Variants in COL24A1 observed in about 807,000 individuals in gnomAD.
The protein encoded by COL24A1 is collagen alpha-1(XXIV) chain.
Under a neutral mutation model 253.9 loss-of-function variants are expected in COL24A1, and 224 were observed. That is an observed-to-expected ratio of 0.88 (90% CI 0.79 to 0.99). The LOEUF (loss-of-function observed/expected upper bound fraction) is 0.99, where lower values mean the gene tolerates loss of function less well. COL24A1 is among the 50% of genes least tolerant of loss of function. The pLI, the probability that COL24A1 is intolerant of heterozygous loss-of-function variation, is 0.00. For synonymous variants in COL24A1, 685 were observed against 673.7 expected, an observed-to-expected ratio of 1.02 and a Z score of -0.26; for missense variants, 2,131 against 2,068.5, an observed-to-expected ratio of 1.03 and a Z score of -0.59.
At chr1:85,921,378 G>A (rs138771196) in intron 24 of COL24A1, among the ~76,000 whole-genome samples, 6,349 of 152,268 alleles carry the variant, frequency 0.042, 460 homozygotes, top group Admixed American at 0.19. Context: ...AGCCTGGCAG[G>A]GGGAGGGGCA....
In COL24A1 at chr1:85,971,379, A is replaced by C; in HGVS notation, c.2379T>G (p.Asn793Lys). Residue 793 changes from asparagine (N) to lysine (K), a missense_variant, in exon 21 of 60, where the codon AAT becomes AAG. Physicochemically the swap from Asn to Lys is moderately conservative, Grantham distance 94. Transcript: ENST00000370571. Reference protein sequence around the residue: ...GPEGPKGLLGNRGPPGPPGLK... With the variant: ...GPEGPKGLLGKRGPPGPPGLK... ...GACCAGGAGGTCCAGGAGGTCCTCT[A>C]TTTCCAAGGAGTCCCTATAAAAGCA... 1.2e-6 allele frequency: 2 copies of C among 1,612,104 alleles called. No homozygotes were observed. Among genetic ancestry groups the C allele is most frequent in the East Asian group, 4.5e-5 (2 of 44,830 alleles).
intron 3 of COL24A1, among the ~76,000 whole-genome samples, chr1:86,118,720 T>C (rs1286091400): frequency 2.6e-5 from 4 of 152,114 alleles, no homozygotes; most frequent in Non-Finnish European, 4.4e-5. Context: ...CTAATTTATA[T>C]TGTGATGTCA....
Position 85,940,403 on chromosome 1 carries a change from C to CAAAA in COL24A1, c.2562+20842_2562+20845dup, listed in dbSNP as rs1166634995. Among the ~76,000 whole-genome samples, 4 of 2,024 alleles carry CAAAA rather than the reference C, an allele frequency of 2.0e-3. 2 individuals carry two copies. Among genetic ancestry groups the CAAAA allele is most frequent in the Non-Finnish European group, 5.4e-3 (4 of 736 alleles). 1.3% of individuals were successfully genotyped at this position (2,024 alleles called of 152,430 possible). A position where few individuals can be genotyped will look rare whatever the true frequency, so the allele number is the denominator to read the frequency against. ...TGGGCGACAGAGCGAGACTCCGTCT[C>CAAAA]AAAAAAAAAAAAAAAAAAAAAAAAA... is the stretch of plus-strand genomic sequence containing the variant. On this transcript the variant is annotated intron_variant, in intron 24 of 59. Coordinates refer to ENST00000370571, the MANE Select transcript of COL24A1 (RefSeq NM_152890.7).
At chr1:86,010,818 T>TA (rs1253827720) in intron 19 of COL24A1, among the ~76,000 whole-genome samples, 1 of 152,062 alleles carries the variant, frequency 6.6e-6, no homozygotes, top group African/African-American at 2.4e-5. Flanking sequence ...TATTTTTAAA[T>TA]AAAAAAAGCA....
intron 5 of COL24A1, among the ~76,000 whole-genome samples, chr1:86,098,125 C>T (rs1475192878): frequency 2.6e-5 from 4 of 152,190 alleles, no homozygotes; most frequent in African/African-American, 9.7e-5. Context: ...TTGTGTAATA[C>T]ATATTTATAC....
At chr1:86,134,497 T>C (rs1238490173) in intron 2 of COL24A1, among the ~76,000 whole-genome samples, 11 of 143,842 alleles carry the variant, frequency 7.6e-5, no homozygotes, top group South Asian at 2.3e-4. Flanking sequence ...GTGCTATAAA[T>C]TTCCCTCTAC....
intron 5 of COL24A1, among the ~76,000 whole-genome samples, chr1:86,100,237 T>C (rs932851489): frequency 7.2e-5 from 11 of 152,154 alleles, no homozygotes; most frequent in Non-Finnish European, 1.3e-4. Context: ...GGCCTTTGGA[T>C]TTAGTAAACT....
intron 19 of COL24A1, among the ~76,000 whole-genome samples, chr1:86,004,852 G>A (rs146122479): frequency 9.8e-5 from 15 of 152,304 alleles, no homozygotes; most frequent in African/African-American, 3.4e-4. Context: ...CAAATAAAAA[G>A]AGAAGTCACC....
chr1:86,004,955 T>C (rs1433066385), intron 19 of COL24A1, among the ~76,000 whole-genome samples: 1 of 152,184 alleles, frequency 6.6e-6, no homozygotes, highest in African/African-American at 2.4e-5. Flanking sequence ...GAAACTCAGG[T>C]GATACACTGG....
At chr1:85,902,126 T>C (rs1425622587) in intron 28 of COL24A1, among the ~76,000 whole-genome samples, 2 of 152,174 alleles carry the variant, frequency 1.3e-5, no homozygotes, top group East Asian at 1.9e-4. Context: ...ATGTTCTCAC[T>C]TGAAGGAATG....
rs747446650 is a variant in COL24A1 at position 85,965,043 on chromosome 1, C to T, written c.2483G>A (p.Gly828Glu). The change falls in exon 23 of 60, where the codon GGG becomes GAG. Residue 828 changes from glycine to glutamate, a missense_variant. Transcript: ENST00000370571. The part of the protein sequence containing the change: ...LGPRGKPGQK[G>E]YAGEPGPEGL... ...TTCTGGTCCTGGTTCACCTGCATAC[C>T]CCTTTTGACCTGGTTTTCCCTAGAA... The T allele has an allele frequency of 1.2e-5, 20 of 1,610,398 alleles. No individual in the cohort carries two copies. The Admixed American group carries it at 1.5e-4, about 12-fold the overall frequency.
intron 3 of COL24A1, among the ~76,000 whole-genome samples, chr1:86,123,330 T>C (rs1258082254): frequency 1.2e-5 from 1 of 81,638 alleles, no homozygotes; most frequent in Non-Finnish European, 2.7e-5. Flanking sequence ...AGAGACTCCA[T>C]CAAAAAATAC....
intron 2 of COL24A1, 127 bp from the exon 3 acceptor site, chr1:86,126,341 T>C: frequency 1.3e-6 from 1 of 778,778 alleles, no homozygotes; most frequent in South Asian, 1.9e-5. Flanking sequence ...GCATGTTCTA[T>C]CAATAACTAA....
At chr1:86,142,522 CA>C (rs554778074) in intron 2 of COL24A1, among the ~76,000 whole-genome samples, 36 of 115,432 alleles carry the variant, frequency 3.1e-4, no homozygotes, top group Non-Finnish European at 4.0e-4. Context: ...GACACTGCCT[CA>C]AAAAAAAAAA....
intron 45 of COL24A1, among the ~76,000 whole-genome samples, chr1:85,821,396 G>T (rs917337525): frequency 6.6e-6 from 1 of 152,122 alleles, no homozygotes; most frequent in African/African-American, 2.4e-5. Context: ...AATTAGTTCT[G>T]TGATTTTAGG....
rs549245963 is a variant in COL24A1, at chr1:86,029,582, C to T, written c.2049+2296G>A. Among the ~76,000 whole-genome samples, 489 of 151,270 alleles carry T rather than the reference C, an allele frequency of 3.2e-3. 1 individual carries two copies. Among genetic ancestry groups the T allele is most frequent in the African/African-American group, 0.011 (453 of 41,304 alleles). On this transcript the variant is annotated intron_variant, in intron 14 of 59. Transcript: ENST00000370571. The stretch of plus-strand genomic sequence containing the variant: ...TTTTACCACAGTTCCAATAACTAAG[C>T]TCCTGACTTATTTATTTTTATTTAT...
intron 42 of COL24A1, 135 bp from the exon 43 acceptor site, chr1:85,838,773 A>C: frequency 1.6e-6 from 1 of 634,220 alleles, no homozygotes; most frequent in Non-Finnish European, 2.6e-6. Flanking sequence ...TAGTTCCATT[A>C]AATAATTTCA....
At position 85,768,885 on chromosome 1, in the gene COL24A1, T is replaced by C. The variant is rs17128271; in HGVS notation, c.4374+6789A>G. On this transcript the variant is annotated intron_variant, in intron 53 of 59. Coordinates refer to ENST00000370571, the MANE Select transcript of COL24A1 (RefSeq NM_152890.7). Reference sequence around the variant, plus strand: ...TGTGTTAATTATGTATCCGGTGCTATAATAGACTGGGTACTAGGTGGTAAC... The same window carrying C: ...TGTGTTAATTATGTATCCGGTGCTACAATAGACTGGGTACTAGGTGGTAAC... Among the ~76,000 whole-genome samples the C allele has an allele frequency of 9.4e-3, 1,430 of 152,304 alleles. 59 individuals carry two copies. The highest frequency in any genetic ancestry group is 0.063 in the Admixed American group (970 of 15,282).
intron 2 of COL24A1, 84 bp from the exon 3 acceptor site, chr1:86,126,298 T>C (rs1648294320): frequency 3.1e-6 from 4 of 1,282,792 alleles, no homozygotes; most frequent in Non-Finnish European, 3.2e-6. Context: ...ATGATAAAAA[T>C]CTTCCTTGTA....
Sources: allele counts gnomAD v4.1 joint callset (sites outside exome capture counted in the v4.1 genomes callset), GRCh38; gene constraint gnomAD v4.1.1; transcripts MANE v1.5; gene names NCBI Gene and HGNC (gene_info 2026-07-23, HGNC 2026-07-21).